Variants in NTM observed in about 807,000 individuals in gnomAD.
NTM encodes the protein neurotrimin, also known as IgLON family member 2.
NTM carries 13 observed loss-of-function variants against 42.1 expected under a neutral mutation model. The observed-to-expected ratio is 0.31, with a 90% CI of 0.20 to 0.49. NTM has a LOEUF of 0.49. NTM is among the 20% of genes least tolerant of loss of function. NTM has a pLI of 0.99. For synonymous variants in NTM, 187 were observed against 179.2 expected, an observed-to-expected ratio of 1.04 and a Z score of -0.35; for missense variants, 373 against 452.8, an observed-to-expected ratio of 0.82 and a Z score of 1.60.
At chr11:131,684,219 C>T (rs966569730) in intron 1 of NTM, among the ~76,000 whole-genome samples, 3 of 152,138 alleles carry the variant, frequency 2.0e-5, no homozygotes, top group Non-Finnish European at 2.9e-5. Context: ...GGGTGAGCAG[C>T]CTTCACCACG....
chr11:132,311,850 C>T (rs1437227485), intron 6 of NTM, among the ~76,000 whole-genome samples: 1 of 152,194 alleles, frequency 6.6e-6, no homozygotes, highest in East Asian at 1.9e-4. Flanking sequence ...GAGCTCTCCT[C>T]TGTGCAGCAT....
At chr11:132,177,750 G>A (rs1254526635) in intron 3 of NTM, among the ~76,000 whole-genome samples, 1 of 152,182 alleles carries the variant, frequency 6.6e-6, no homozygotes, top group Non-Finnish European at 1.5e-5. Context: ...AGGCAATGAA[G>A]CCCCAATGGG....
At chr11:131,983,374 C>CTTTTT (rs151133606) in intron 2 of NTM, among the ~76,000 whole-genome samples, 6 of 122,414 alleles carry the variant, frequency 4.9e-5, no homozygotes, top group African/African-American at 9.4e-5. Context: ...AAAATTGTAT[C>CTTTTT]TTTTTTTTTT....
At chr11:132,198,476 C>T (rs978763467) in intron 3 of NTM, among the ~76,000 whole-genome samples, 7 of 152,200 alleles carry the variant, frequency 4.6e-5, no homozygotes, top group Admixed American at 6.5e-5. Flanking sequence ...GCTGAGATTA[C>T]AGGTGTGAGA....
At chr11:131,586,818 T>G (rs1450040342) in intron 1 of NTM, among the ~76,000 whole-genome samples, 1 of 152,208 alleles carries the variant, frequency 6.6e-6, no homozygotes, top group South Asian at 2.1e-4. Flanking sequence ...AGCTTCAGCA[T>G]GAAGAGACTG....
chr11:132,176,791 C>G (rs2076897371), intron 3 of NTM, among the ~76,000 whole-genome samples: 1 of 130,884 alleles, frequency 7.6e-6, no homozygotes. Context: ...TGCAGTGGCA[C>G]AATCTCGGCT....
At chr11:132,318,218 C>G (rs1035364268) in intron 7 of NTM, among the ~76,000 whole-genome samples, 2 of 152,152 alleles carry the variant, frequency 1.3e-5, no homozygotes, top group African/African-American at 4.8e-5. Context: ...CAGGTTAGGG[C>G]CTGACGTCCA....
At chr11:131,827,527 T>C (rs527842292) in intron 1 of NTM, among the ~76,000 whole-genome samples, 1 of 152,262 alleles carries the variant, frequency 6.6e-6, no homozygotes, top group East Asian at 1.9e-4. Context: ...CCCATTTCTG[T>C]TTAAAACAAT....
chr11:132,314,982 GA>G, intron 7 of NTM: 1 of 1,167,542 alleles, frequency 8.6e-7, no homozygotes, highest in Non-Finnish European at 1.0e-6. Flanking sequence ...TCAGAAGTGG[GA>G]AAAGGAAAAT....
chr11:132,186,993 G>A (rs1198084847), intron 3 of NTM, among the ~76,000 whole-genome samples: 3 of 152,134 alleles, frequency 2.0e-5, no homozygotes, highest in Non-Finnish European at 4.4e-5. Flanking sequence ...CCTTGACTCC[G>A]TGTCTAGGAG....
At chr11:131,834,608 G>GTA (rs2043233849) in intron 1 of NTM, among the ~76,000 whole-genome samples, 1 of 93,194 alleles carries the variant, frequency 1.1e-5, no homozygotes, top group Middle Eastern at 5.8e-3. Context: ...AATAGTGTGT[G>GTA]TATATATATA....
At chr11:131,863,033 G>C (rs2046806419) in intron 1 of NTM, among the ~76,000 whole-genome samples, 1 of 152,142 alleles carries the variant, frequency 6.6e-6, no homozygotes, top group African/African-American at 2.4e-5. Context: ...CTTCAGCCAG[G>C]GTCTCTAGAC....
chr11:132,085,681 T>TA (rs2059615639), intron 2 of NTM, among the ~76,000 whole-genome samples: 1 of 152,320 alleles, frequency 6.6e-6, no homozygotes, highest in Middle Eastern at 3.4e-3. Context: ...TAATTAGAGC[T>TA]CTTTTTTATA....
chr11:132,158,239 A>T (rs557186250), intron 3 of NTM, among the ~76,000 whole-genome samples: 11 of 152,172 alleles, frequency 7.2e-5, no homozygotes, highest in Admixed American at 7.2e-4. Context: ...CTACTTCCTG[A>T]TATGCCTGTG....
At chr11:131,675,464 A>G (rs1360063406) in intron 1 of NTM, among the ~76,000 whole-genome samples, 1 of 152,166 alleles carries the variant, frequency 6.6e-6, no homozygotes, top group African/African-American at 2.4e-5. Flanking sequence ...TTAATTAATC[A>G]TTGCTTGTTG....
chr11:131,457,375 A>C (rs112649431), intron 1 of NTM, among the ~76,000 whole-genome samples: 3 of 152,028 alleles, frequency 2.0e-5, no homozygotes, highest in African/African-American at 7.3e-5. Flanking sequence ...ACAAGCCGAG[A>C]AGCCACAGGA....
chr11:131,928,328 A>G (rs1182275193), intron 2 of NTM, among the ~76,000 whole-genome samples: 2 of 152,242 alleles, frequency 1.3e-5, no homozygotes, highest in East Asian at 3.8e-4. Flanking sequence ...TACCTGGCAT[A>G]TATGAGGCAC....
intron 1 of NTM, among the ~76,000 whole-genome samples, chr11:131,859,399 C>T (rs1475165379): frequency 6.6e-6 from 1 of 152,206 alleles, no homozygotes; most frequent in East Asian, 1.9e-4. Flanking sequence ...GTATGTGCTA[C>T]TGGGAATCCA....
In NTM at chr11:131,789,812, C is replaced by G. The variant is rs184134141; in HGVS notation, c.83-121752C>G. 1.3e-3 allele frequency among the ~76,000 whole-genome samples: 192 copies of G among 149,770 alleles called. 4 individuals carry two copies. The South Asian group carries it at 0.02, about 16-fold the overall frequency. ...TCTACTAAAAATACAAAAAATTAGC[C>G]GGGTGTGGTGGCGGGAGCCTGTAGT... On this transcript the variant is annotated intron_variant, in intron 1 of 8. Transcript: ENST00000683400.
Sources: gnomAD v4.1 joint callset for allele counts (sites outside exome capture counted in the v4.1 genomes callset) on GRCh38, gnomAD v4.1.1 for gene constraint, MANE v1.5 for transcripts, NCBI Gene and HGNC (gene_info 2026-07-23, HGNC 2026-07-21) for gene names.